PRKCA: variants seen among roughly 807,000 people sequenced by gnomAD.
PRKCA encodes the protein protein kinase C alpha type.
PRKCA carries 27 observed loss-of-function variants against 87.0 expected under a neutral mutation model. The observed-to-expected ratio is 0.31, with a 90% CI of 0.23 to 0.43. PRKCA has a LOEUF of 0.43. PRKCA is among the 20% of genes least tolerant of loss of function. PRKCA has a pLI of 1.00. For missense variants in PRKCA, 518 were observed against 852.3 expected (o/e 0.61, Z 4.88); for synonymous variants, 329 against 311.1 (o/e 1.06, Z -0.61).
At chr17:66,542,419 A>AT (rs1968016208) in intron 3 of PRKCA, among the ~76,000 whole-genome samples, 1 of 152,148 alleles carries the variant, frequency 6.6e-6, no homozygotes, top group African/African-American at 2.4e-5. Flanking sequence ...GAAGTCGCAC[A>AT]TGAGAGTACC....
chr17:66,429,188 A>G (rs1912974622), intron 2 of PRKCA, among the ~76,000 whole-genome samples: 1 of 152,134 alleles, frequency 6.6e-6, no homozygotes. Flanking sequence ...CTTCATAAAT[A>G]TGTGTTAAAT....
At chr17:66,402,868 T>A (rs2143695516) in intron 2 of PRKCA, among the ~76,000 whole-genome samples, 1 of 152,330 alleles carries the variant, frequency 6.6e-6, no homozygotes, top group African/African-American at 2.4e-5. Flanking sequence ...ATGAAAAGTT[T>A]AATCATAAGG....
chr17:66,658,096 A>T (rs1457119153), intron 5 of PRKCA, among the ~76,000 whole-genome samples: 2 of 152,206 alleles, frequency 1.3e-5, no homozygotes, highest in Non-Finnish European at 2.9e-5. Flanking sequence ...CGATCATGGC[A>T]GAAGAAGAAG....
intron 16 of PRKCA, among the ~76,000 whole-genome samples, chr17:66,794,553 G>C (rs930093355): frequency 6.6e-6 from 1 of 150,422 alleles, no homozygotes; most frequent in Admixed American, 6.6e-5. Context: ...CTTTACCCAG[G>C]TTCCCTAAAT....
At chr17:66,737,224 G>C (rs192357077) in intron 10 of PRKCA, among the ~76,000 whole-genome samples, 1 of 151,732 alleles carries the variant, frequency 6.6e-6, no homozygotes, top group Non-Finnish European at 1.5e-5. Context: ...TTAGCCGGGC[G>C]TGGTGGCGGG....
At chr17:66,798,245 A>G (rs189468687) in intron 16 of PRKCA, among the ~76,000 whole-genome samples, 144 of 152,374 alleles carry the variant, frequency 9.5e-4, no homozygotes, top group Non-Finnish European at 1.7e-3. Context: ...GCTCATGGTG[A>G]TGAGTAAGGT....
chr17:66,762,722 A>G (rs567158857), intron 13 of PRKCA, among the ~76,000 whole-genome samples: 62 of 152,308 alleles, frequency 4.1e-4, no homozygotes, highest in African/African-American at 1.4e-3. Context: ...TAACCAGCCC[A>G]ATGACCTCAG....
chr17:66,750,025 G>A (rs1833251265), intron 13 of PRKCA, among the ~76,000 whole-genome samples: 1 of 152,050 alleles, frequency 6.6e-6, no homozygotes, highest in Admixed American at 6.6e-5. Context: ...TGTAGAGAGG[G>A]ATAGAAAATA....
chr17:66,345,069 A>G (rs1183124374), intron 2 of PRKCA, among the ~76,000 whole-genome samples: 2 of 151,896 alleles, frequency 1.3e-5, no homozygotes, highest in South Asian at 4.1e-4. Flanking sequence ...TATTTTTCTC[A>G]TTTGTCTCCT....
intron 2 of PRKCA, among the ~76,000 whole-genome samples, chr17:66,390,577 A>G (rs557512438): frequency 6.6e-6 from 1 of 152,186 alleles, no homozygotes; most frequent in Non-Finnish European, 1.5e-5. Context: ...GATGCCATGA[A>G]CTTGGATTTC....
intron 3 of PRKCA, among the ~76,000 whole-genome samples, chr17:66,528,446 T>TG (rs980238615): frequency 2.6e-5 from 4 of 152,090 alleles, no homozygotes; most frequent in Non-Finnish European, 5.9e-5. Context: ...CTGGGTTATC[T>TG]GGGTAGGCCC....
chr17:66,496,627 T>TCCCTCCCCTC (rs1278629269), intron 3 of PRKCA, among the ~76,000 whole-genome samples: 1 of 151,766 alleles, frequency 6.6e-6, no homozygotes, highest in Non-Finnish European at 1.5e-5. Flanking sequence ...TTATTTCCGT[T>TCCCTCCCCTC]CCCTCCCCTC....
chr17:66,666,152 C>A (rs1972036788), intron 5 of PRKCA, among the ~76,000 whole-genome samples: 1 of 152,186 alleles, frequency 6.6e-6, no homozygotes, highest in African/African-American at 2.4e-5. Flanking sequence ...AAATTAAGCA[C>A]CATCACATAG....
intron 2 of PRKCA, among the ~76,000 whole-genome samples, chr17:66,403,466 G>T (rs1252056763): frequency 6.6e-6 from 1 of 152,162 alleles, no homozygotes; most frequent in African/African-American, 2.4e-5. Context: ...TCCTAAATAA[G>T]GTGTTAGCAT....
At chr17:66,312,027 G>C (rs1905111311) in intron 2 of PRKCA, among the ~76,000 whole-genome samples, 1 of 152,044 alleles carries the variant, frequency 6.6e-6, no homozygotes, top group South Asian at 2.1e-4. Context: ...TGTCTCCCAG[G>C]CTGCGGTGCA....
intron 2 of PRKCA, among the ~76,000 whole-genome samples, chr17:66,436,558 G>T (rs1913405559): frequency 6.6e-6 from 1 of 152,202 alleles, no homozygotes; most frequent in Non-Finnish European, 1.5e-5. Context: ...GTCAGACATA[G>T]GTGTGGAACC....
intron 3 of PRKCA, among the ~76,000 whole-genome samples, chr17:66,561,637 A>G (rs1968681345): frequency 6.6e-6 from 1 of 152,202 alleles, no homozygotes; most frequent in Non-Finnish European, 1.5e-5. Flanking sequence ...TTCACAATAG[A>G]TAAGAGGTAG....
chr17:66,670,508 A>G (rs939690658), intron 5 of PRKCA, among the ~76,000 whole-genome samples: 8 of 152,198 alleles, frequency 5.3e-5, no homozygotes, highest in African/African-American at 1.9e-4. Context: ...GGAGAAATGT[A>G]GGATAAAAAA....
At chr17:66,317,174 A>G (rs1015501866) in intron 2 of PRKCA, among the ~76,000 whole-genome samples, 6 of 151,554 alleles carry the variant, frequency 4.0e-5, no homozygotes, top group African/African-American at 7.3e-5. Context: ...AACACTTTCT[A>G]TTTTAGAAAC....
Sources: gnomAD v4.1 joint callset for allele counts (sites outside exome capture counted in the v4.1 genomes callset) on GRCh38, gnomAD v4.1.1 for gene constraint, MANE v1.5 for transcripts, NCBI Gene and HGNC (gene_info 2026-07-23, HGNC 2026-07-21) for gene names.